The following RBFOX1 variants were observed in gnomAD, a reference collection of about 807,000 sequenced individuals.
RBFOX1 encodes the protein RNA binding fox-1 homolog 1.
In RBFOX1, 8 loss-of-function variants were observed where a neutral mutation model predicts 57.7. That is an observed-to-expected ratio of 0.14 (90% CI 0.08 to 0.25). The LOEUF (loss-of-function observed/expected upper bound fraction) is 0.25, where lower values mean the gene tolerates loss of function less well. RBFOX1 is among the 10% of genes least tolerant of loss of function. The pLI is 1.00. For missense variants in RBFOX1, 611 were observed against 548.5 expected (o/e 1.11, Z -1.14); for synonymous variants, 326 against 222.4 (o/e 1.47, Z -4.15).
intron 4 of RBFOX1, among the ~76,000 whole-genome samples, chr16:7,356,697 T>C (rs2097220138): frequency 6.6e-6 from 1 of 152,262 alleles, no homozygotes. Flanking sequence ...AGTGCATGAA[T>C]ACTTTGCTTT....
chr16:5,781,582 G>T (rs988545449), intron 3 of RBFOX1, among the ~76,000 whole-genome samples: 1 of 152,190 alleles, frequency 6.6e-6, no homozygotes, highest in Non-Finnish European at 1.5e-5. Flanking sequence ...TTGGCCATAC[G>T]GACTCCGCCG....
intron 1 of RBFOX1, chr16:6,092,924 G>A (rs1382050613): frequency 1.3e-5 from 2 of 152,022 alleles, no homozygotes; most frequent in East Asian, 1.9e-4. Flanking sequence ...AATTCCTATG[G>A]TGGGAAGAAA....
chr16:6,400,504 A>C (rs1310609287), intron 2 of RBFOX1, among the ~76,000 whole-genome samples: 1 of 152,240 alleles, frequency 6.6e-6, no homozygotes, highest in Non-Finnish European at 1.5e-5. Context: ...AGAGATTTAA[A>C]GTGAATAATC....
At chr16:7,705,346 A>G (rs942604295) in intron 14 of RBFOX1, among the ~76,000 whole-genome samples, 1 of 152,066 alleles carries the variant, frequency 6.6e-6, no homozygotes, top group Non-Finnish European at 1.5e-5. Flanking sequence ...ATCTACTAAA[A>G]ATAGAAAAAT....
At chr16:6,492,198 T>G (rs2095647930) in intron 2 of RBFOX1, among the ~76,000 whole-genome samples, 1 of 152,194 alleles carries the variant, frequency 6.6e-6, no homozygotes, top group Non-Finnish European at 1.5e-5. Context: ...AATAATTTGT[T>G]GATGAAACAG....
At chr16:5,345,882 G>A (rs1255849650) in intron 1 of RBFOX1, among the ~76,000 whole-genome samples, 3 of 152,206 alleles carry the variant, frequency 2.0e-5, no homozygotes, top group African/African-American at 7.2e-5. Flanking sequence ...GATATTTTAG[G>A]ATAGGTTCAC....
intron 1 of RBFOX1, among the ~76,000 whole-genome samples, chr16:5,436,975 C>A (rs757087113): frequency 1.3e-5 from 2 of 152,162 alleles, no homozygotes; most frequent in Non-Finnish European, 2.9e-5. Context: ...TTTGTACCTG[C>A]CCCCATGACT....
At chr16:5,387,724 A>G (rs1302036874) in intron 1 of RBFOX1, among the ~76,000 whole-genome samples, 1 of 152,202 alleles carries the variant, frequency 6.6e-6, no homozygotes, top group Non-Finnish European at 1.5e-5. Flanking sequence ...TGATATTCAC[A>G]TCCTAATCTC....
At chr16:6,655,091 C>T (rs986666653) in intron 3 of RBFOX1, among the ~76,000 whole-genome samples, 3 of 151,686 alleles carry the variant, frequency 2.0e-5, no homozygotes, top group African/African-American at 4.8e-5. Flanking sequence ...AAAGAGCTCA[C>T]GGCCAGGTGT....
At chr16:5,497,959 G>T (rs1165856410) in intron 2 of RBFOX1, among the ~76,000 whole-genome samples, 1 of 152,086 alleles carries the variant, frequency 6.6e-6, no homozygotes, top group African/African-American at 2.4e-5. Flanking sequence ...ATGGGGGAAA[G>T]AAAATTTCAG....
At chr16:7,461,959 G>T (rs2059662608) in intron 4 of RBFOX1, among the ~76,000 whole-genome samples, 1 of 152,204 alleles carries the variant, frequency 6.6e-6, no homozygotes, top group South Asian at 2.1e-4. Context: ...TCAGCCTCCT[G>T]TGAGGTGAAC....
At chr16:5,265,914 C>T (rs954482893) in intron 1 of RBFOX1, among the ~76,000 whole-genome samples, 11 of 151,996 alleles carry the variant, frequency 7.2e-5, no homozygotes, top group African/African-American at 2.2e-4. Context: ...TACAAAATTC[C>T]CATGTGAATC....
chr16:6,503,832 T>A (rs935604693), intron 2 of RBFOX1, among the ~76,000 whole-genome samples: 1 of 152,130 alleles, frequency 6.6e-6, no homozygotes, highest in Admixed American at 6.5e-5. Context: ...GGGGATGGGA[T>A]AAGTTTGTGG....
chr16:7,690,503 C>A (rs1847629654), intron 14 of RBFOX1, among the ~76,000 whole-genome samples: 1 of 152,000 alleles, frequency 6.6e-6, no homozygotes, highest in South Asian at 2.1e-4. Flanking sequence ...AAGGAACAGA[C>A]CAGTTTGTGG....
chr16:7,697,875 G>T (rs2079291209), intron 14 of RBFOX1, among the ~76,000 whole-genome samples: 1 of 152,182 alleles, frequency 6.6e-6, no homozygotes, highest in African/African-American at 2.4e-5. Context: ...GGCACTGTAT[G>T]ATTCTTTAGC....
intron 3 of RBFOX1, among the ~76,000 whole-genome samples, chr16:6,814,745 C>T (rs1451279239): frequency 6.6e-6 from 1 of 152,014 alleles, no homozygotes; most frequent in Non-Finnish European, 1.5e-5. Flanking sequence ...CAGTCTGGAA[C>T]CCTGGGGGAG....
intron 3 of RBFOX1, among the ~76,000 whole-genome samples, chr16:6,939,573 G>A (rs911704775): frequency 6.6e-6 from 1 of 150,712 alleles, no homozygotes; most frequent in South Asian, 2.1e-4. Context: ...TTCAGTGGGA[G>A]TGATTTCAGC....
chr16:5,619,593 G>A (rs933596857), intron 3 of RBFOX1, among the ~76,000 whole-genome samples: 7 of 152,196 alleles, frequency 4.6e-5, no homozygotes, highest in Admixed American at 1.3e-4. Context: ...TCCATCAGCT[G>A]TGAGTGACCC....
chr16:6,164,790 C>T (rs2096904928), intron 1 of RBFOX1, among the ~76,000 whole-genome samples: 1 of 152,028 alleles, frequency 6.6e-6, no homozygotes, highest in South Asian at 2.1e-4. Flanking sequence ...ATTTTAATTG[C>T]CTGTAAACAC....
Sources: allele counts gnomAD v4.1 joint callset (sites outside exome capture counted in the v4.1 genomes callset), GRCh38; gene constraint gnomAD v4.1.1; transcripts MANE v1.5; gene names NCBI Gene and HGNC (gene_info 2026-07-23, HGNC 2026-07-21).